FSTL5: variants seen among roughly 807,000 people sequenced by gnomAD.
FSTL5 encodes follistatin like 5, also known as follistatin-related protein 5.
In FSTL5, 62 loss-of-function variants were observed where a neutral mutation model predicts 89.1. That is an observed-to-expected ratio of 0.70 (90% CI 0.57 to 0.86). The LOEUF is 0.86. Among genes scored for constraint, FSTL5 ranks in the 40% least tolerant of loss-of-function variants. The pLI, the probability that FSTL5 is intolerant of heterozygous loss-of-function variation, is 0.00. For missense variants in FSTL5, 1,057 were observed against 1,001.6 expected, an observed-to-expected ratio of 1.06 and a Z score of -0.75; for synonymous variants, 383 against 346.2, an observed-to-expected ratio of 1.11 and a Z score of -1.18.
At chr4:161,797,951 A>G (rs1192805667) in intron 4 of FSTL5, among the ~76,000 whole-genome samples, 1 of 151,658 alleles carries the variant, frequency 6.6e-6, no homozygotes, top group African/African-American at 2.4e-5. Flanking sequence ...CACCAAGCAA[A>G]ACATTTACAT....
chr4:161,853,976 G>T (rs1731640857), intron 4 of FSTL5, among the ~76,000 whole-genome samples: 2 of 152,110 alleles, frequency 1.3e-5, no homozygotes, highest in South Asian at 4.1e-4. Context: ...TCAGGTTCAG[G>T]TTTGAATGAA....
At chr4:161,931,731 T>A (rs908739890) in intron 3 of FSTL5, among the ~76,000 whole-genome samples, 1 of 152,020 alleles carries the variant, frequency 6.6e-6, no homozygotes, top group Non-Finnish European at 1.5e-5. Flanking sequence ...CAGATAGGTC[T>A]GACTGATTAA....
chr4:161,441,219 G>A (rs565957108), intron 15 of FSTL5, among the ~76,000 whole-genome samples: 3 of 152,006 alleles, frequency 2.0e-5, no homozygotes, highest in Non-Finnish European at 1.5e-5. Flanking sequence ...CCTACATTTT[G>A]AATCTCTTCC....
chr4:162,014,621 C>CT (rs1403420114), intron 3 of FSTL5, among the ~76,000 whole-genome samples: 6 of 152,170 alleles, frequency 3.9e-5, no homozygotes, highest in Admixed American at 2.0e-4. Context: ...TGATGGTAGA[C>CT]TGAGTCCATG....
intron 3 of FSTL5, among the ~76,000 whole-genome samples, chr4:161,985,668 T>C (rs1414030835): frequency 6.6e-6 from 1 of 151,830 alleles, no homozygotes; most frequent in Non-Finnish European, 1.5e-5. Flanking sequence ...ATTTATACTT[T>C]AAATATCCAT....
intron 8 of FSTL5, among the ~76,000 whole-genome samples, chr4:161,554,745 G>A (rs879307243): frequency 2.0e-5 from 3 of 151,610 alleles, no homozygotes; most frequent in Non-Finnish European, 4.4e-5. Context: ...GCAACTGTTC[G>A]AAAAGGTTCT....
chr4:161,636,809 T>G (rs1422027780), intron 7 of FSTL5, among the ~76,000 whole-genome samples: 1 of 137,856 alleles, frequency 7.3e-6, no homozygotes, highest in African/African-American at 2.9e-5. Flanking sequence ...TTTTTATGGC[T>G]GCATAGTATT....
rs145368757 is a variant in FSTL5 at position 161,821,639 on chromosome 4, G to T, written c.410-45565C>A. 4.5e-4 allele frequency among the ~76,000 whole-genome samples: 69 copies of T among 152,186 alleles called. 4 individuals carry two copies. In the East Asian group the frequency reaches 0.013, roughly 29 times the overall value. ...TATGCCTTTGCATCCTCATAGCTTA[G>T]CTCCCACTTATGAGTGAGAACATAT... On this transcript the variant is annotated intron_variant, in intron 4 of 15. Coordinates refer to ENST00000306100, the MANE Select transcript of FSTL5 (RefSeq NM_020116.5).
Position 161,705,978 on chromosome 4 carries a change from A to ATATGTG in FSTL5, c.728-49485_728-49484insCACATA, listed in dbSNP as rs1224518540. 1.3e-3 allele frequency among the ~76,000 whole-genome samples: 118 copies of ATATGTG among 90,460 alleles called. 8 individuals carry two copies. Among genetic ancestry groups the ATATGTG allele is most frequent in the Admixed American group, 0.013 (118 of 9,274 alleles). The allele number at this position is 90,460 out of a possible 152,430, so 59.3% of individuals were successfully genotyped here. A position where few individuals can be genotyped will look rare whatever the true frequency, so the allele number is the denominator to read the frequency against. ...TATATATATATATATATATATATAT[A>ATATGTG]TATATATATATATATATACACACAT... On this transcript the variant is annotated intron_variant, in intron 6 of 15. Transcript: ENST00000306100.
intron 6 of FSTL5, among the ~76,000 whole-genome samples, chr4:161,675,720 G>A (rs761803230): frequency 1.5e-4 from 23 of 151,830 alleles, no homozygotes; most frequent in Non-Finnish European, 2.7e-4. Flanking sequence ...CTTCTGTAAT[G>A]TGCTTTAAAG....
At chr4:161,413,157 T>C (rs2872530) in intron 15 of FSTL5, among the ~76,000 whole-genome samples, 39,916 of 150,188 alleles carry the variant, frequency 0.27, 5,517 homozygotes, top group East Asian at 0.46. Flanking sequence ...ACTCAACCTA[T>C]GCATCTGACA....
At position 161,920,673 on chromosome 4, in the gene FSTL5, T is replaced by A. The variant is rs529854061; in HGVS notation, c.161-21A>T. On this transcript the variant is annotated intron_variant, in intron 3 of 15. Transcript: ENST00000306100. ...AAATCCTGAAGAATTAAAAAAAAATTGAAAATCGTTTGGTTCATTTGTCCA... is the reference window on the plus strand; with the variant it reads ...AAATCCTGAAGAATTAAAAAAAAATAGAAAATCGTTTGGTTCATTTGTCCA... The A allele has an allele frequency of 5.7e-6, 9 of 1,587,834 alleles. No individual in the cohort carries two copies. In the South Asian group the frequency reaches 9.1e-5, roughly 16 times the overall value.
intron 7 of FSTL5, among the ~76,000 whole-genome samples, chr4:161,617,584 G>A (rs774174389): frequency 1.3e-5 from 2 of 152,050 alleles, no homozygotes; most frequent in African/African-American, 2.4e-5. Flanking sequence ...TCAAACTGCT[G>A]AAATTAAAGG....
chr4:162,057,228 G>A (rs1036116245), intron 2 of FSTL5, among the ~76,000 whole-genome samples: 1 of 152,224 alleles, frequency 6.6e-6, no homozygotes, highest in East Asian at 1.9e-4. Flanking sequence ...CATAGCTTTC[G>A]AGTAGGATTG....
chr4:161,590,261 T>C (rs1220520457), intron 7 of FSTL5, among the ~76,000 whole-genome samples: 1 of 152,020 alleles, frequency 6.6e-6, no homozygotes, highest in Non-Finnish European at 1.5e-5. Context: ...GCAAATAGGC[T>C]GGGCATGGTA....
intron 7 of FSTL5, among the ~76,000 whole-genome samples, chr4:161,588,636 T>C (rs1733701848): frequency 6.6e-6 from 1 of 152,172 alleles, no homozygotes; most frequent in South Asian, 2.1e-4. Flanking sequence ...TTCAGAATTC[T>C]GGAAATAGAG....
intron 2 of FSTL5, among the ~76,000 whole-genome samples, chr4:162,080,754 T>C (rs1373339100): frequency 6.6e-6 from 1 of 151,636 alleles, no homozygotes; most frequent in Admixed American, 6.6e-5. Context: ...AATTTGCTCA[T>C]GTGTTCTTTT....
intron 5 of FSTL5, among the ~76,000 whole-genome samples, chr4:161,770,891 T>C (rs573274908): frequency 6.6e-5 from 10 of 152,074 alleles, no homozygotes; most frequent in African/African-American, 2.4e-4. Context: ...AATGTCAATG[T>C]TTAGTTGTCT....
intron 15 of FSTL5, among the ~76,000 whole-genome samples, chr4:161,398,897 T>C (rs2110898585): frequency 6.6e-6 from 1 of 152,204 alleles, no homozygotes; most frequent in Middle Eastern, 3.4e-3. Context: ...TATTATGTTG[T>C]AGGAAACATT....
Sources: gnomAD v4.1 joint callset for allele counts (sites outside exome capture counted in the v4.1 genomes callset) on GRCh38, gnomAD v4.1.1 for gene constraint, MANE v1.5 for transcripts, NCBI Gene and HGNC (gene_info 2026-07-23, HGNC 2026-07-21) for gene names.